SLMAP: variants seen among roughly 807,000 people sequenced by gnomAD.
The protein encoded by SLMAP is sarcolemmal membrane-associated protein.
SLMAP carries 44 observed loss-of-function variants against 128.8 expected under a neutral mutation model. That is an observed-to-expected ratio of 0.34 (90% CI 0.27 to 0.44). SLMAP has a LOEUF of 0.44. Among genes scored for constraint, SLMAP ranks in the 20% least tolerant of loss-of-function variants. The probability of loss-of-function intolerance (pLI) is 1.00; values close to 1 mark genes in which losing one functional copy is unlikely to be tolerated. For synonymous variants in SLMAP, 327 were observed against 348.8 expected (o/e 0.94, Z 0.70); for missense variants, 787 against 985.3 (o/e 0.80, Z 2.69).
At chr3:57,786,552 CTTTTTT>C (rs34574598) in intron 2 of SLMAP, among the ~76,000 whole-genome samples, 1 of 129,972 alleles carries the variant, frequency 7.7e-6, no homozygotes, top group Admixed American at 7.9e-5. Flanking sequence ...AATTATATAG[CTTTTTT>C]TTTTTTTTTT....
rs902834876 is a variant in SLMAP, at chr3:57,927,843, A to G, written c.*554A>G. On this transcript the variant is annotated 3_prime_UTR_variant, in exon 25 of 25. Transcript: ENST00000671191. ...CTCAGTGCCTATCAGTTTGAAATAT[A>G]TACACATATATATATTTTTTACATA... 6.6e-6 allele frequency: 1 copy of G among 152,528 alleles called. No individual in the cohort carries two copies. Among genetic ancestry groups the G allele is most frequent in the African/African-American group, 2.4e-5 (1 of 41,410 alleles). The allele number at this position is 152,528 out of a possible 1,614,324, so 9.4% of individuals were successfully genotyped here.
chr3:57,848,561 T>C (rs2094374913), intron 5 of SLMAP, among the ~76,000 whole-genome samples: 1 of 140,948 alleles, frequency 7.1e-6, no homozygotes. Flanking sequence ...TCCCTCCTTC[T>C]CCTTTTTCTT....
chr3:57,903,377 C>G (rs1267494606), intron 17 of SLMAP, among the ~76,000 whole-genome samples: 2 of 152,228 alleles, frequency 1.3e-5, no homozygotes, highest in Non-Finnish European at 2.9e-5. Flanking sequence ...GACACATCCA[C>G]TTGCCAGGTC....
At chr3:57,885,756 T>C (rs1455580327) in intron 14 of SLMAP, among the ~76,000 whole-genome samples, 1 of 145,264 alleles carries the variant, frequency 6.9e-6, no homozygotes, top group East Asian at 2.1e-4. Context: ...TTGTTTTGCT[T>C]TTCGGTTTTT....
chr3:57,795,166 A>T (rs748748826), intron 2 of SLMAP, among the ~76,000 whole-genome samples: 9 of 152,202 alleles, frequency 5.9e-5, no homozygotes, highest in Non-Finnish European at 1.0e-4. Flanking sequence ...TAATCTAATG[A>T]CTAATAATTG....
intron 17 of SLMAP, among the ~76,000 whole-genome samples, chr3:57,906,300 C>CTTTTTTTTCTTTTTTTT (rs2096541411): frequency 4.2e-5 from 3 of 71,288 alleles, no homozygotes; most frequent in African/African-American, 1.4e-4. Flanking sequence ...AAATTTTTTT[C>CTTTTTTTTCTTTTTTTT]TTTTTTTTTC....
chr3:57,903,859 AC>A (rs2096460406), intron 17 of SLMAP, among the ~76,000 whole-genome samples: 1 of 152,186 alleles, frequency 6.6e-6, no homozygotes, highest in African/African-American at 2.4e-5. Flanking sequence ...ACGCTTTTCC[AC>A]CAGTACTCAT....
chr3:57,773,521 C>G (rs369837766), intron 2 of SLMAP, among the ~76,000 whole-genome samples: 10 of 152,132 alleles, frequency 6.6e-5, no homozygotes, highest in African/African-American at 2.4e-4. Flanking sequence ...GTTGATGGGA[C>G]CATAGGGCAA....
At chr3:57,848,117 G>A (rs1171645907) in intron 5 of SLMAP, among the ~76,000 whole-genome samples, 3 of 152,022 alleles carry the variant, frequency 2.0e-5, no homozygotes, top group African/African-American at 4.8e-5. Flanking sequence ...CTGACACATA[G>A]GGGTGAATAT....
rs2096245459 is a variant in SLMAP at position 57,896,426 on chromosome 3, T to A, written c.1361-85T>A. 4 of 1,451,156 alleles carry A rather than the reference T, an allele frequency of 2.8e-6. No homozygotes were observed. The South Asian group carries it at 6.2e-5, about 22-fold the overall frequency. 89.9% of individuals were successfully genotyped at this position (1,451,156 alleles called of 1,614,324 possible). A position where few individuals can be genotyped will look rare whatever the true frequency, so the allele number is the denominator to read the frequency against. Reference sequence around the variant, plus strand: ...AAAAGTACTTTGCGTACCTGTAGATTTTGAGCATTCATAGCCTGAAGCAGT... The same window carrying A: ...AAAAGTACTTTGCGTACCTGTAGATATTGAGCATTCATAGCCTGAAGCAGT... On this transcript the variant is annotated intron_variant, in intron 15 of 24. Coordinates refer to ENST00000671191, the MANE Select transcript of SLMAP (RefSeq NM_001377540.1).
chr3:57,853,377 G>A (rs1283913600), intron 6 of SLMAP, among the ~76,000 whole-genome samples: 1 of 152,188 alleles, frequency 6.6e-6, no homozygotes, highest in African/African-American at 2.4e-5. Flanking sequence ...TATCAAGGAT[G>A]TGGAGAGCAA....
intron 2 of SLMAP, among the ~76,000 whole-genome samples, chr3:57,769,953 G>A (rs1057044494): frequency 6.6e-6 from 1 of 152,130 alleles, no homozygotes; most frequent in Admixed American, 6.6e-5. Context: ...TAAAAGTCTC[G>A]ATCTGCACCT....
intron 2 of SLMAP, among the ~76,000 whole-genome samples, chr3:57,790,029 G>T (rs1267883565): frequency 6.6e-6 from 1 of 152,010 alleles, no homozygotes; most frequent in African/African-American, 2.4e-5. Flanking sequence ...TAGAGACGGG[G>T]TTTCACCATG....
chr3:57,757,872 C>T (rs751838050), intron 2 of SLMAP, 23 bp downstream of exon 2: 1 of 1,609,750 alleles, frequency 6.2e-7, no homozygotes, highest in South Asian at 1.1e-5. Flanking sequence ...CATTGTCCAG[C>T]GGCATTGTTT....
In SLMAP at chr3:57,925,941, G is replaced by A; in HGVS notation, c.*6+7G>A. 6.5e-7 allele frequency: 1 copy of A among 1,544,580 alleles called. No homozygotes were observed. Among genetic ancestry groups the A allele is most frequent in the Non-Finnish European group, 8.8e-7 (1 of 1,141,224 alleles). ...TCCATTGTGGTAGAGAAAGGTACAA[G>A]CACTATTGTTGAGTCCTTGTCTGTT... On this transcript the variant is annotated splice_region_variant and intron_variant, in intron 24 of 24. Transcript: ENST00000671191.
At chr3:57,777,410 A>G (rs1383055357) in intron 2 of SLMAP, among the ~76,000 whole-genome samples, 1 of 152,148 alleles carries the variant, frequency 6.6e-6, no homozygotes, top group Non-Finnish European at 1.5e-5. Flanking sequence ...TACATTAAAA[A>G]TTAATTTTAT....
At chr3:57,804,177 T>TTC (rs2089276448) in intron 2 of SLMAP, among the ~76,000 whole-genome samples, 1 of 152,250 alleles carries the variant, frequency 6.6e-6, no homozygotes, top group Admixed American at 6.5e-5. Flanking sequence ...TTTTCTCATC[T>TTC]TTTTTCATCT....
chr3:57,865,929 CCTT>C (rs2095288631), intron 13 of SLMAP, among the ~76,000 whole-genome samples: 1 of 152,266 alleles, frequency 6.6e-6, no homozygotes, highest in South Asian at 2.1e-4. Context: ...TAGTCATTCT[CCTT>C]CTCTCCCCTT....
intron 17 of SLMAP, chr3:57,899,962 G>A (rs1311922310): frequency 6.8e-6 from 1 of 147,954 alleles, no homozygotes; most frequent in Non-Finnish European, 1.5e-5. Context: ...TGTATTACTG[G>A]TACTTTTTAG....
Sources: allele counts gnomAD v4.1 joint callset (sites outside exome capture counted in the v4.1 genomes callset), GRCh38; gene constraint gnomAD v4.1.1; transcripts MANE v1.5; gene names NCBI Gene and HGNC (gene_info 2026-07-23, HGNC 2026-07-21).